The following ASTN2 variants were observed in gnomAD, a reference collection of about 807,000 sequenced individuals.
ASTN2 encodes astrotactin-2.
A neutral mutation model predicts 139.8 loss-of-function variants in ASTN2; 54 were observed. The ratio of observed to expected loss-of-function variants is 0.39; its 90% CI spans 0.31 to 0.48. ASTN2 has a LOEUF of 0.48. Ranked by LOEUF, ASTN2 falls within the 20% of genes least tolerant of loss-of-function variation. ASTN2 has a pLI of 0.95. For synonymous variants in ASTN2, 756 were observed against 719.5 expected (o/e 1.05, Z -0.81); for missense variants, 1,565 against 1,725.1 (o/e 0.91, Z 1.64).
At chr9:116,863,915 A>G (rs924605067) in intron 10 of ASTN2, among the ~76,000 whole-genome samples, 182 bp from the exon 11 acceptor site, 3 of 152,204 alleles carry the variant, frequency 2.0e-5, no homozygotes, top group Non-Finnish European at 4.4e-5. Flanking sequence ...GTGCTTGTCA[A>G]GTTGTGATAC....
intron 1 of ASTN2, among the ~76,000 whole-genome samples, chr9:117,312,689 CA>C (rs1254887819): frequency 1.1e-4 from 16 of 152,116 alleles, no homozygotes; most frequent in Non-Finnish European, 2.1e-4. Context: ...GTCATCAGGA[CA>C]AAAACTCAGG....
intron 19 of ASTN2, among the ~76,000 whole-genome samples, chr9:116,559,574 C>T (rs1033409642): frequency 5.3e-5 from 8 of 152,220 alleles, no homozygotes; most frequent in Non-Finnish European, 1.0e-4. Flanking sequence ...TCTGTGAATC[C>T]AACGAGAATG....
In ASTN2 at chr9:116,651,690, A is replaced by G; in HGVS notation, c.2910T>C (p.Ile970=). 6.2e-7 allele frequency: 1 copy of G among 1,614,154 alleles called. No individual in the cohort carries two copies. Among genetic ancestry groups the G allele is most frequent in the African/African-American group, 1.3e-5 (1 of 75,046 alleles). Residue 970 remains isoleucine (I), a synonymous_variant, in exon 17 of 23, where the codon ATT becomes ATC. Transcript: ENST00000313400. ...CCTCACAGCGAATCTCCACACCTGA[A>G]ATGAGCTGGTCATCTGACAGCATCT... ...TAQMLSDDQL[I]SGVEIRCEEK...
chr9:116,657,679 A>G (rs2131946665), intron 16 of ASTN2, among the ~76,000 whole-genome samples: 1 of 152,256 alleles, frequency 6.6e-6, no homozygotes, highest in Non-Finnish European at 1.5e-5. Flanking sequence ...CATGCCGATG[A>G]AAAACACAAA....
intron 2 of ASTN2, among the ~76,000 whole-genome samples, chr9:117,252,196 A>G (rs1243567108): frequency 1.3e-5 from 2 of 152,186 alleles, no homozygotes; most frequent in Non-Finnish European, 2.9e-5. Context: ...CTCTGAGAAG[A>G]TAGAGCCTGA....
chr9:116,571,112 G>T (rs955386988), intron 19 of ASTN2, among the ~76,000 whole-genome samples: 6 of 152,160 alleles, frequency 3.9e-5, no homozygotes, highest in Non-Finnish European at 8.8e-5. Flanking sequence ...AATGGAAGCT[G>T]CAAGGACTCA....
chr9:117,213,166 C>T (rs1564482399), intron 3 of ASTN2, among the ~76,000 whole-genome samples: 1 of 151,966 alleles, frequency 6.6e-6, no homozygotes, highest in Non-Finnish European at 1.5e-5. Flanking sequence ...TTATATTAAG[C>T]AAAATAAGAC....
intron 11 of ASTN2, among the ~76,000 whole-genome samples, chr9:116,847,304 C>T (rs1440549590): frequency 2.0e-5 from 3 of 151,988 alleles, no homozygotes; most frequent in East Asian, 1.9e-4. Context: ...TTAGTAGAGA[C>T]GGCGTTTCAC....
At chr9:117,310,701 G>A (rs184380957) in intron 1 of ASTN2, among the ~76,000 whole-genome samples, 97 of 152,068 alleles carry the variant, frequency 6.4e-4, no homozygotes, top group African/African-American at 2.2e-3. Context: ...GTATGATCAC[G>A]ACTCACTGCA....
At chr9:117,220,106 A>C (rs2133034960) in intron 2 of ASTN2, among the ~76,000 whole-genome samples, 1 of 152,336 alleles carries the variant, frequency 6.6e-6, no homozygotes, top group East Asian at 1.9e-4. Flanking sequence ...AGGATCTGGC[A>C]CCACAAAAGT....
At chr9:116,460,489 T>A (rs377039096) in intron 20 of ASTN2, among the ~76,000 whole-genome samples, 2 of 152,156 alleles carry the variant, frequency 1.3e-5, no homozygotes, top group African/African-American at 4.8e-5. Context: ...ATGGTTCTCC[T>A]TTATCTTTAG....
chr9:116,443,116 G>A (rs552059233), intron 20 of ASTN2, among the ~76,000 whole-genome samples: 205 of 152,330 alleles, frequency 1.3e-3, no homozygotes, highest in African/African-American at 4.2e-3. Flanking sequence ...ATGCAAAAAA[G>A]ACTAATGCGG....
chr9:117,256,289 C>T (rs1363962781), intron 2 of ASTN2, among the ~76,000 whole-genome samples: 1 of 152,172 alleles, frequency 6.6e-6, no homozygotes, highest in Non-Finnish European at 1.5e-5. Flanking sequence ...TAGGGTAGCA[C>T]ATACACTAAA....
In ASTN2 at chr9:116,942,275, C is replaced by A. The variant is rs116288334; in HGVS notation, c.1889+32933G>T. On this transcript the variant is annotated intron_variant, in intron 10 of 22. Transcript: ENST00000313400. ...CCCTCCTCCAACTGCAGCTAACCACCGTCTCAGCCCACCTTGAACCTCCAC... is the reference window on the plus strand; with the variant it reads ...CCCTCCTCCAACTGCAGCTAACCACAGTCTCAGCCCACCTTGAACCTCCAC... Among the ~76,000 whole-genome samples the A allele has an allele frequency of 5.6e-3, 857 of 152,244 alleles. 9 individuals carry two copies. The highest frequency in any genetic ancestry group is 0.02 in the African/African-American group (813 of 41,532).
intron 3 of ASTN2, among the ~76,000 whole-genome samples, chr9:117,176,701 G>A (rs1053142122): frequency 7.2e-5 from 11 of 152,298 alleles, no homozygotes; most frequent in Admixed American, 1.3e-4. Flanking sequence ...GGGAGGCTGA[G>A]GTGGGAGGCT....
intron 22 of ASTN2, among the ~76,000 whole-genome samples, chr9:116,427,615 C>T (rs1173164746): frequency 6.6e-6 from 1 of 152,242 alleles, no homozygotes; most frequent in Non-Finnish European, 1.5e-5. Flanking sequence ...TTTACAACAA[C>T]AGACCCCACA....
chr9:117,189,041 T>C (rs1284977750), intron 3 of ASTN2, among the ~76,000 whole-genome samples: 1 of 152,048 alleles, frequency 6.6e-6, no homozygotes, highest in East Asian at 1.9e-4. Flanking sequence ...GGACAGTGGG[T>C]AGAAGGTCCT....
chr9:117,183,622 G>T (rs1831128406), intron 3 of ASTN2, among the ~76,000 whole-genome samples: 1 of 152,154 alleles, frequency 6.6e-6, no homozygotes, highest in Non-Finnish European at 1.5e-5. Flanking sequence ...AGTTGACCTA[G>T]GTAGCCTAGT....
chr9:116,536,583 C>T (rs1384543962), intron 19 of ASTN2, among the ~76,000 whole-genome samples: 1 of 152,226 alleles, frequency 6.6e-6, no homozygotes, highest in African/African-American at 2.4e-5. Context: ...CAGTCAGGAC[C>T]CTCAGCTGCA....
Sources: allele counts gnomAD v4.1 joint callset (sites outside exome capture counted in the v4.1 genomes callset), GRCh38; gene constraint gnomAD v4.1.1; transcripts MANE v1.5; gene names NCBI Gene and HGNC (gene_info 2026-07-23, HGNC 2026-07-21).